The following DENND2B variants were observed in gnomAD, a reference collection of about 807,000 sequenced individuals.
DENND2B encodes the protein DENN domain containing 2B, also known as DENN domain-containing protein 2B.
DENND2B carries 32 observed loss-of-function variants against 116.0 expected under a neutral mutation model. That is an observed-to-expected ratio of 0.28 (90% CI 0.21 to 0.37). The LOEUF is 0.37. Among genes scored for constraint, DENND2B ranks in the 10% least tolerant of loss-of-function variants. The pLI, the probability that DENND2B is intolerant of heterozygous loss-of-function variation, is 1.00. For synonymous variants in DENND2B, 588 were observed against 583.9 expected, an observed-to-expected ratio of 1.01 and a Z score of -0.10; for missense variants, 1,276 against 1,477.7, an observed-to-expected ratio of 0.86 and a Z score of 2.24.
chr11:8,708,401 C>T (rs2042989406), intron 11 of DENND2B: 3 of 921,132 alleles, frequency 3.3e-6, no homozygotes, highest in East Asian at 2.4e-4. Context: ...ATACCTGACT[C>T]CTGGGCTTGG....
chr11:8,774,800 C>T (rs191936794), intron 1 of DENND2B, among the ~76,000 whole-genome samples: 40 of 152,264 alleles, frequency 2.6e-4, no homozygotes, highest in South Asian at 2.1e-4. Flanking sequence ...CTTGCTTCTC[C>T]CCTGGGGAGA....
intron 4 of DENND2B, among the ~76,000 whole-genome samples, chr11:8,835,389 C>G (rs2062380700): frequency 6.6e-6 from 1 of 152,226 alleles, no homozygotes; most frequent in Non-Finnish European, 1.5e-5. Flanking sequence ...TTCAAACCGT[C>G]TACTTTCATT....
chr11:8,715,028 C>G (rs1008918189), intron 6 of DENND2B, among the ~76,000 whole-genome samples: 3 of 152,210 alleles, frequency 2.0e-5, no homozygotes, highest in Non-Finnish European at 4.4e-5. Context: ...ATTGAACCAA[C>G]TGAGACAAAG....
intron 1 of DENND2B, chr11:8,794,673 T>C (rs2059659802): frequency 6.6e-6 from 1 of 152,256 alleles, no homozygotes; most frequent in African/African-American, 2.4e-5. Flanking sequence ...CATTGACTAA[T>C]GCAAGTGTCT....
intron 1 of DENND2B, among the ~76,000 whole-genome samples, chr11:8,753,692 T>C (rs1336182958): frequency 6.6e-6 from 1 of 152,056 alleles, no homozygotes; most frequent in Non-Finnish European, 1.5e-5. Flanking sequence ...AGTGCAGTAC[T>C]GACATAAGAA....
intron 4 of DENND2B, among the ~76,000 whole-genome samples, chr11:8,829,187 T>C (rs1471646201): frequency 6.6e-6 from 1 of 151,160 alleles, no homozygotes; most frequent in Admixed American, 6.6e-5. Flanking sequence ...GTGTGGTGTT[T>C]GTGTGTGTGG....
chr11:8,794,545 G>A (rs758773143), intron 1 of DENND2B: 2 of 152,260 alleles, frequency 1.3e-5, no homozygotes, highest in Non-Finnish European at 2.9e-5. Flanking sequence ...AGGAGAGCTC[G>A]GGGAAAACCT....
At chr11:8,751,487 T>G (rs1287313663) in intron 1 of DENND2B, among the ~76,000 whole-genome samples, 1 of 152,142 alleles carries the variant, frequency 6.6e-6, no homozygotes, top group African/African-American at 2.4e-5. Flanking sequence ...GCTCACTCTT[T>G]GGGTCCACAC....
At chr11:8,718,155 T>C in intron 4 of DENND2B, 1 of 327,078 alleles carries the variant, frequency 3.1e-6, no homozygotes, top group Admixed American at 3.8e-5. Flanking sequence ...CTCTGCTTTA[T>C]AAATTCAGGG....
chr11:8,880,621 A>G (rs1410681348), intron 2 of DENND2B, among the ~76,000 whole-genome samples: 1 of 152,176 alleles, frequency 6.6e-6, no homozygotes, highest in Non-Finnish European at 1.5e-5. Flanking sequence ...AAGCAGGAGG[A>G]TAGCTTGAAG....
At chr11:8,774,880 A>T (rs1427348959) in intron 1 of DENND2B, among the ~76,000 whole-genome samples, 1,447 of 141,854 alleles carry the variant, frequency 0.01, 41 homozygotes, top group African/African-American at 0.039. Flanking sequence ...TTTTTTAATT[A>T]TTATTTTCAC....
intron 1 of DENND2B, among the ~76,000 whole-genome samples, chr11:8,885,440 G>A (rs2063950073): frequency 6.7e-6 from 1 of 148,222 alleles, no homozygotes; most frequent in African/African-American, 2.5e-5. Context: ...ACAATTAACT[G>A]TAGTATGTGC....
intron 4 of DENND2B, among the ~76,000 whole-genome samples, chr11:8,724,250 C>T (rs903734071): frequency 1.3e-5 from 2 of 151,644 alleles, no homozygotes; most frequent in Admixed American, 6.6e-5. Flanking sequence ...GAGCCGAGAT[C>T]GCACCACTGC....
upstream of DENND2B, among the ~76,000 whole-genome samples, chr11:8,872,979 A>G (rs1217217477): frequency 6.6e-6 from 1 of 152,202 alleles, no homozygotes; most frequent in Non-Finnish European, 1.5e-5. Flanking sequence ...AGCCCTCTCC[A>G]GTCTTTTCCA....
At chr11:8,882,723 C>T (rs933566442) in intron 1 of DENND2B, among the ~76,000 whole-genome samples, 1 of 152,172 alleles carries the variant, frequency 6.6e-6, no homozygotes, top group Non-Finnish European at 1.5e-5. Context: ...CACTGTGGTT[C>T]ATGCCTGTGA....
chr11:8,697,910 T>C (rs921964717), intron 16 of DENND2B: 9 of 511,958 alleles, frequency 1.8e-5, no homozygotes, highest in African/African-American at 1.7e-4. Flanking sequence ...GGAGGATCGC[T>C]TGAGCCCAGG....
At chr11:8,849,899 C>T (rs2134642765) in intron 3 of DENND2B, among the ~76,000 whole-genome samples, 1 of 150,972 alleles carries the variant, frequency 6.6e-6, no homozygotes, top group African/African-American at 2.4e-5. Flanking sequence ...CTTTGGGAGG[C>T]CAAGGCAGGT....
At chr11:8,754,024 A>AGCGCGC (rs553192314) in intron 1 of DENND2B, among the ~76,000 whole-genome samples, 77 of 142,866 alleles carry the variant, frequency 5.4e-4, no homozygotes, top group Admixed American at 2.4e-3. Context: ...TAACACCAAA[A>AGCGCGC]GCGCGCACAC....
At position 8,724,838 on chromosome 11, in the gene DENND2B, T is replaced by A. The variant is rs975735186; in HGVS notation, c.1477+1235A>T. On this transcript the variant is annotated intron_variant, in intron 4 of 19. Transcript: ENST00000313726. The stretch of plus-strand genomic sequence containing the variant: ...CCTGACCAGAGTGATAAAGATAATG[T>A]CTCCTCCAAGGACAAAGGTTAGGCA... Among the ~76,000 whole-genome samples the A allele has an allele frequency of 5.3e-5, 8 of 152,216 alleles. No homozygotes were observed. The East Asian group carries it at 1.5e-3, about 29-fold the overall frequency.
Sources: allele counts gnomAD v4.1 joint callset (sites outside exome capture counted in the v4.1 genomes callset), GRCh38; gene constraint gnomAD v4.1.1; transcripts MANE v1.5; gene names NCBI Gene and HGNC (gene_info 2026-07-23, HGNC 2026-07-21).